MDGA2: variants seen among roughly 807,000 people sequenced by gnomAD.
MDGA2 encodes the protein MAM domain containing glycosylphosphatidylinositol anchor 2, also known as MAM domain-containing glycosylphosphatidylinositol anchor protein 2.
In MDGA2, 40 loss-of-function variants were observed where a neutral mutation model predicts 117.8. That is an observed-to-expected ratio of 0.34 (90% CI 0.26 to 0.44). MDGA2 has a LOEUF of 0.44. Among genes scored for constraint, MDGA2 ranks in the 20% least tolerant of loss-of-function variants. MDGA2 has a pLI of 1.00. For synonymous variants in MDGA2, 452 were observed against 439.0 expected, an observed-to-expected ratio of 1.03 and a Z score of -0.37; for missense variants, 1,123 against 1,250.6, an observed-to-expected ratio of 0.90 and a Z score of 1.54.
chr14:47,504,416 CTCT>C (rs965774932), intron 1 of MDGA2, among the ~76,000 whole-genome samples: 1 of 151,782 alleles, frequency 6.6e-6, no homozygotes, highest in Non-Finnish European at 1.5e-5. Context: ...TTTTTCAATG[CTCT>C]TCTTCTCCAT....
At chr14:47,667,908 A>T (rs1028842096) in intron 1 of MDGA2, among the ~76,000 whole-genome samples, 2 of 152,234 alleles carry the variant, frequency 1.3e-5, no homozygotes, top group African/African-American at 4.8e-5. Context: ...TATAGATTTG[A>T]GCAGGAACAG....
chr14:47,188,524 C>T (rs535678151), intron 3 of MDGA2, among the ~76,000 whole-genome samples: 43 of 152,288 alleles, frequency 2.8e-4, no homozygotes, highest in African/African-American at 9.1e-4. Context: ...GACAGCCTTA[C>T]GTGAGACTCT....
At chr14:47,285,188 T>G (rs554319208) in intron 2 of MDGA2, among the ~76,000 whole-genome samples, 27 of 152,272 alleles carry the variant, frequency 1.8e-4, no homozygotes, top group Admixed American at 6.5e-4. Flanking sequence ...GGAATTAAAT[T>G]TACCCTTGGG....
intron 8 of MDGA2, among the ~76,000 whole-genome samples, chr14:46,990,213 A>T (rs1229444988): frequency 6.6e-6 from 1 of 152,104 alleles, no homozygotes; most frequent in African/African-American, 2.4e-5. Flanking sequence ...AGCACTTATT[A>T]TAGTCCCTTA....
At chr14:47,134,418 TAA>T (rs1340586438) in intron 4 of MDGA2, among the ~76,000 whole-genome samples, 3 of 152,040 alleles carry the variant, frequency 2.0e-5, no homozygotes, top group Non-Finnish European at 4.4e-5. Flanking sequence ...TAAATACACT[TAA>T]GAGAAAAATT....
At chr14:46,986,095 C>G (rs1455587032) in intron 8 of MDGA2, among the ~76,000 whole-genome samples, 7 of 152,068 alleles carry the variant, frequency 4.6e-5, no homozygotes, top group Admixed American at 3.9e-4. Context: ...GCTAAAATAT[C>G]AAGTTCCAAG....
intron 6 of MDGA2, among the ~76,000 whole-genome samples, chr14:47,078,461 C>T (rs962405252): frequency 6.6e-5 from 10 of 152,188 alleles, no homozygotes; most frequent in African/African-American, 2.4e-5. Flanking sequence ...GAGCTAGAAT[C>T]TCTCACAAAC....
chr14:47,173,011 C>T (rs554369032), intron 3 of MDGA2, among the ~76,000 whole-genome samples: 7 of 151,908 alleles, frequency 4.6e-5, no homozygotes, highest in African/African-American at 1.5e-4. Context: ...TGCAGAAGCC[C>T]CAGGAGCCGA....
chr14:46,857,614 A>G (rs982523869), intron 14 of MDGA2, among the ~76,000 whole-genome samples: 2 of 151,848 alleles, frequency 1.3e-5, no homozygotes, highest in Non-Finnish European at 1.5e-5. Context: ...AGTTTCTTCT[A>G]AGTCTTTTCC....
Position 46,841,227 on chromosome 14 carries a change from A to G in MDGA2, c.*704T>C, listed in dbSNP as rs1179975993. On this transcript the variant is annotated 3_prime_UTR_variant, in exon 17 of 17. Coordinates refer to ENST00000399232, the MANE Select transcript of MDGA2 (RefSeq NM_001113498.3). Reference sequence around the variant, plus strand: ...GCAAACTCCGATAAGCCTGTGTAACATGTAAGCCCAGGTTTACCATCCTGG... The same window carrying G: ...GCAAACTCCGATAAGCCTGTGTAACGTGTAAGCCCAGGTTTACCATCCTGG... The G allele has an allele frequency of 6.6e-6, 1 of 152,556 alleles. No homozygotes were observed. The allele number at this position is 152,556 out of a possible 1,614,324, so 9.5% of individuals were successfully genotyped here.
At chr14:46,875,701 A>T (rs1465665656) in intron 12 of MDGA2, among the ~76,000 whole-genome samples, 2 of 151,578 alleles carry the variant, frequency 1.3e-5, no homozygotes, top group African/African-American at 4.8e-5. Flanking sequence ...ATGACATGAA[A>T]TTCCATTAGT....
chr14:47,064,371 TAG>T (rs1038038911), intron 6 of MDGA2, among the ~76,000 whole-genome samples: 8 of 152,058 alleles, frequency 5.3e-5, no homozygotes, highest in African/African-American at 1.9e-4. Context: ...GATTATTTAA[TAG>T]AGAGTCATTT....
At chr14:47,448,594 C>G (rs1292175777) in intron 1 of MDGA2, among the ~76,000 whole-genome samples, 2 of 152,140 alleles carry the variant, frequency 1.3e-5, no homozygotes, top group African/African-American at 4.8e-5. Context: ...GTGGTGTACC[C>G]TAAGTTAGCA....
intron 3 of MDGA2, among the ~76,000 whole-genome samples, chr14:47,191,424 A>G (rs1885109417): frequency 6.9e-6 from 1 of 145,426 alleles, no homozygotes; most frequent in African/African-American, 2.5e-5. Context: ...ATTTACATAT[A>G]TATATATATA....
chr14:47,639,240 A>G (rs1897379004), intron 1 of MDGA2, among the ~76,000 whole-genome samples: 1 of 152,156 alleles, frequency 6.6e-6, no homozygotes, highest in Non-Finnish European at 1.5e-5. Flanking sequence ...CTTAGAATGT[A>G]AGCTCCATGT....
chr14:47,075,372 G>A (rs1890453716), intron 6 of MDGA2, among the ~76,000 whole-genome samples: 1 of 152,174 alleles, frequency 6.6e-6, no homozygotes, highest in African/African-American at 2.4e-5. Flanking sequence ...TGGTGACATG[G>A]AAGATACAAC....
chr14:47,317,727 C>A (rs1188694559), intron 1 of MDGA2, among the ~76,000 whole-genome samples: 1 of 152,044 alleles, frequency 6.6e-6, no homozygotes, highest in African/African-American at 2.4e-5. Flanking sequence ...GCTGCTCTAG[C>A]TTTTTCTCAT....
chr14:47,470,267 C>A (rs1180067158), intron 1 of MDGA2, among the ~76,000 whole-genome samples: 2 of 11,702 alleles, frequency 1.7e-4, no homozygotes, highest in South Asian at 5.9e-3. Flanking sequence ...TTCCCCCAGC[C>A]CCCCCACCCC....
intron 1 of MDGA2, among the ~76,000 whole-genome samples, chr14:47,629,433 C>T (rs993417805): frequency 3.3e-5 from 5 of 151,914 alleles, no homozygotes; most frequent in Non-Finnish European, 7.4e-5. Flanking sequence ...AGTTGTATGC[C>T]AAAAAAAGGA....
Sources: gnomAD v4.1 joint callset for allele counts (sites outside exome capture counted in the v4.1 genomes callset) on GRCh38, gnomAD v4.1.1 for gene constraint, MANE v1.5 for transcripts, NCBI Gene and HGNC (gene_info 2026-07-23, HGNC 2026-07-21) for gene names.